Variants in GCH1 observed in about 807,000 individuals in gnomAD.
The protein encoded by GCH1 is GTP cyclohydrolase 1, also known as GTP cyclohydrolase I.
A neutral mutation model predicts 25.9 loss-of-function variants in GCH1; 5 were observed. The ratio of observed to expected loss-of-function variants is 0.19; its 90% CI spans 0.10 to 0.41. GCH1 has a LOEUF of 0.41. Ranked by LOEUF, GCH1 falls within the 10% of genes least tolerant of loss-of-function variation. The probability of loss-of-function intolerance (pLI) is 1.00; values close to 1 mark genes in which losing one functional copy is unlikely to be tolerated. For missense variants in GCH1, 261 were observed against 336.5 expected, an observed-to-expected ratio of 0.78 and a Z score of 1.75; for synonymous variants, 159 against 129.6, an observed-to-expected ratio of 1.23 and a Z score of -1.54.
At chr14:54,849,094 T>C (rs1432472786) in intron 3 of GCH1, among the ~76,000 whole-genome samples, 1 of 152,240 alleles carries the variant, frequency 6.6e-6, no homozygotes, top group Non-Finnish European at 1.5e-5. Context: ...GGAATGCCTC[T>C]AGGATTTCAC....
At chr14:54,870,808 C>T (rs2040063050) in intron 1 of GCH1, among the ~76,000 whole-genome samples, 1 of 152,216 alleles carries the variant, frequency 6.6e-6, no homozygotes, top group Non-Finnish European at 1.5e-5. Flanking sequence ...GGGAGGGGCA[C>T]CCGCCATTGC....
chr14:54,884,700 AC>A (rs138478970), intron 1 of GCH1: 32,306 of 151,074 alleles, frequency 0.21, 3,570 homozygotes, highest in African/African-American at 0.25. Context: ...AACCCAGAAG[AC>A]AGAGGTTGCA....
At chr14:54,885,491 T>C (rs1192215626) in intron 1 of GCH1, 3 of 297,116 alleles carry the variant, frequency 1.0e-5, no homozygotes, top group Admixed American at 4.4e-5. Context: ...TCTAGAAGCA[T>C]AGCATCATTG....
intron 1 of GCH1, among the ~76,000 whole-genome samples, chr14:54,874,849 A>C (rs959961068): frequency 3.9e-5 from 6 of 152,368 alleles, no homozygotes; most frequent in African/African-American, 1.4e-4. Context: ...AGAGGATACA[A>C]ACAAATGGAA....
rs1435605614 is a variant in GCH1 at position 54,865,363 on chromosome 14, G to A, written c.417C>T (p.Ser139=). ...MVIVKDIDMF[S]MCEHHLVPFV... is the part of the protein sequence containing the mutation. ...ATGGAACCAAGTGATGCTCACACAT[G>A]GAAAACATGTCTATGTCCTTCACAA... is the stretch of plus-strand genomic sequence containing the variant. Residue 139 remains serine (S), a synonymous_variant, in exon 2 of 6, where the codon TCC becomes TCT. Transcript: ENST00000491895. The A allele has an allele frequency of 1.3e-6, 2 of 1,580,176 alleles. No individual in the cohort carries two copies. The highest frequency in any genetic ancestry group is 2.7e-5 in the African/African-American group (2 of 74,302).
intron 1 of GCH1, among the ~76,000 whole-genome samples, chr14:54,894,359 C>A (rs542496393): frequency 6.6e-6 from 1 of 152,152 alleles, no homozygotes; most frequent in Non-Finnish European, 1.5e-5. Flanking sequence ...CATCAACTGA[C>A]GGCCACCACC....
chr14:54,902,526 G>A lies in GCH1; in HGVS notation c.138C>T (p.Ser46=), dbSNP rs1239964950. The A allele has an allele frequency of 6.3e-7, 1 of 1,585,756 alleles. No individual in the cohort carries two copies. The highest frequency in any genetic ancestry group is 1.1e-5 in the South Asian group (1 of 87,396). The change falls in exon 1 of 6, where the codon AGC becomes AGT. Residue 46 remains serine, a synonymous_variant. Coordinates refer to ENST00000491895, the MANE Select transcript of GCH1 (RefSeq NM_000161.3). The stretch of plus-strand genomic sequence containing the variant: ...CCTTCCAGCCGTCCGCGGGCTGCGC[G>A]CTCTTGGCCTCGGGCCGCGGGGGCT... ...AEKPPRPEAK[S]AQPADGWKGE... is the part of the protein sequence containing the mutation.
chr14:54,862,745 G>A lies in GCH1; in HGVS notation c.453+2582C>T, dbSNP rs527392938. Among the ~76,000 whole-genome samples the A allele has an allele frequency of 1.0e-3, 155 of 151,424 alleles. 1 individual carries two copies. The highest frequency in any genetic ancestry group is 3.4e-3 in the African/African-American group (142 of 41,278). On this transcript the variant is annotated intron_variant, in intron 2 of 5. Transcript: ENST00000491895. ...GTTGAGATTACTGACGTAAGCCACCGTGCCCAGCCCTTACGAACTACTTTT... is the reference window on the plus strand; with the variant it reads ...GTTGAGATTACTGACGTAAGCCACCATGCCCAGCCCTTACGAACTACTTTT...
At position 54,844,092 on chromosome 14, in the gene GCH1, C is replaced by T. The variant is rs760840113; in HGVS notation, c.678G>A (p.Val226=). Residue 226 remains valine, a synonymous_variant, in exon 6 of 6, where the codon GTG becomes GTA. Transcript: ENST00000491895. ...RGVQKMNSKT[V]TSTMLGVFRE... ...GGAACACACCCAACATTGTGCTGGT[C>T]ACAGTTTTGCTGTTCATTTTCTGTA... The T allele has an allele frequency of 6.2e-7, 1 of 1,614,072 alleles. No homozygotes were observed. The highest frequency in any genetic ancestry group is 1.1e-5 in the South Asian group (1 of 91,078).
chr14:54,871,901 G>A (rs1175039457), intron 1 of GCH1, among the ~76,000 whole-genome samples: 1 of 152,190 alleles, frequency 6.6e-6, no homozygotes, highest in East Asian at 1.9e-4. Context: ...AGGGAGAATG[G>A]AACCAAGTTG....
intron 2 of GCH1, among the ~76,000 whole-genome samples, chr14:54,860,830 C>T (rs933945138): frequency 1.3e-5 from 2 of 152,202 alleles, no homozygotes; most frequent in African/African-American, 2.4e-5. Flanking sequence ...TGAGCCACCA[C>T]GCCCGGCCCC....
intron 2 of GCH1, among the ~76,000 whole-genome samples, chr14:54,861,473 C>T (rs2140066866): frequency 6.6e-6 from 1 of 152,106 alleles, no homozygotes; most frequent in South Asian, 2.1e-4. Context: ...TGGTGGCTCA[C>T]ACCTGTAATT....
intron 1 of GCH1, among the ~76,000 whole-genome samples, chr14:54,877,826 A>G (rs1406346818): frequency 1.3e-5 from 2 of 152,124 alleles, no homozygotes; most frequent in African/African-American, 4.8e-5. Flanking sequence ...ACTTCGAAAC[A>G]GGGGTTCCCA....
chr14:54,882,467 A>G (rs1483805182), intron 1 of GCH1, among the ~76,000 whole-genome samples: 6 of 152,262 alleles, frequency 3.9e-5, no homozygotes, highest in African/African-American at 1.4e-4. Flanking sequence ...TTTCTGGTAG[A>G]CCAAAATTAG....
At chr14:54,845,990 A>T in intron 4 of GCH1, 138 bp from the exon 5 acceptor site, 1 of 689,278 alleles carries the variant, frequency 1.5e-6, no homozygotes, top group Non-Finnish European at 2.7e-6. Context: ...CTTTTACCAG[A>T]CTGCTTTGTC....
At chr14:54,872,282 C>T (rs934173358) in intron 1 of GCH1, among the ~76,000 whole-genome samples, 55 of 152,198 alleles carry the variant, frequency 3.6e-4, no homozygotes, top group Non-Finnish European at 5.1e-4. Context: ...AAATCCTTTA[C>T]AGACAAGCAA....
chr14:54,897,756 G>A lies in GCH1; in HGVS notation c.343+4565C>T, dbSNP rs533563047. Among the ~76,000 whole-genome samples the A allele has an allele frequency of 5.9e-5, 9 of 152,294 alleles. No individual in the cohort carries two copies. The East Asian group carries it at 1.7e-3, about 29-fold the overall frequency. On this transcript the variant is annotated intron_variant, in intron 1 of 5. Transcript: ENST00000491895. ...CTCTACTACTTGTGTCAACCTCTCT[G>A]CCTCAGTTGCCTTGTCATGGGGATA...
intron 1 of GCH1, among the ~76,000 whole-genome samples, chr14:54,883,310 T>C (rs552847615): frequency 4.1e-5 from 6 of 145,060 alleles, no homozygotes; most frequent in Non-Finnish European, 5.9e-5. Flanking sequence ...AAGCGGAGTT[T>C]GCAATGAGCA....
intron 1 of GCH1, among the ~76,000 whole-genome samples, chr14:54,874,916 C>A (rs989296970): frequency 3.9e-5 from 6 of 152,172 alleles, no homozygotes; most frequent in Non-Finnish European, 7.3e-5. Context: ...GCCATAGATT[C>A]AATGCCATCC....
Sources: gnomAD v4.1 joint callset for allele counts (sites outside exome capture counted in the v4.1 genomes callset) on GRCh38, gnomAD v4.1.1 for gene constraint, MANE v1.5 for transcripts, NCBI Gene and HGNC (gene_info 2026-07-23, HGNC 2026-07-21) for gene names.